The following PDE4D variants were observed in gnomAD, a reference collection of about 807,000 sequenced individuals.
PDE4D encodes 3',5'-cyclic-AMP phosphodiesterase 4D.
In PDE4D, 24 loss-of-function variants were observed where a neutral mutation model predicts 87.4. That is an observed-to-expected ratio of 0.27 (90% CI 0.20 to 0.39). PDE4D has a LOEUF of 0.39. Ranked by LOEUF, PDE4D falls within the 10% of genes least tolerant of loss-of-function variation. PDE4D has a pLI of 1.00. For synonymous variants in PDE4D, 384 were observed against 383.2 expected (o/e 1.00, Z -0.02); for missense variants, 714 against 1,041.0 (o/e 0.69, Z 4.32).
At chr5:59,042,914 G>A (rs753133977) in intron 5 of PDE4D, among the ~76,000 whole-genome samples, 1 of 152,060 alleles carries the variant, frequency 6.6e-6, no homozygotes, top group Non-Finnish European at 1.5e-5. Flanking sequence ...TTTGAAAAAG[G>A]AAAAAAGTAA....
intron 1 of PDE4D, among the ~76,000 whole-genome samples, chr5:59,843,901 T>C (rs1252040381): frequency 6.6e-6 from 1 of 152,110 alleles, no homozygotes; most frequent in Admixed American, 6.6e-5. Flanking sequence ...AATTTTTAGA[T>C]ATAAGAAAAT....
intron 1 of PDE4D, among the ~76,000 whole-genome samples, chr5:59,352,547 C>G (rs1780690385): frequency 6.6e-6 from 1 of 152,134 alleles, no homozygotes. Flanking sequence ...TGTGCTACCA[C>G]TCAGGTTTTG....
At chr5:59,236,037 G>A (rs562974771) in intron 1 of PDE4D, among the ~76,000 whole-genome samples, 3 of 152,208 alleles carry the variant, frequency 2.0e-5, no homozygotes, top group Non-Finnish European at 2.9e-5. Flanking sequence ...TTTAGATCCA[G>A]GGGTCCATGC....
At chr5:60,357,950 A>G (rs757874162) in intron 1 of PDE4D, among the ~76,000 whole-genome samples, 1 of 152,216 alleles carries the variant, frequency 6.6e-6, no homozygotes, top group Admixed American at 6.5e-5. Context: ...CAAAAGCCAT[A>G]CAATACATAG....
intron 1 of PDE4D, among the ~76,000 whole-genome samples, chr5:60,246,175 T>C (rs1747753722): frequency 6.6e-6 from 1 of 151,928 alleles, no homozygotes; most frequent in Non-Finnish European, 1.5e-5. Flanking sequence ...ATAACTTTCA[T>C]TGCTTCTCAT....
At chr5:60,392,352 C>T (rs1035265415) in intron 1 of PDE4D, among the ~76,000 whole-genome samples, 1 of 152,154 alleles carries the variant, frequency 6.6e-6, no homozygotes, top group African/African-American at 2.4e-5. Flanking sequence ...GACAATCCAA[C>T]TGTGAATATG....
chr5:59,234,772 G>GA (rs1179802071), intron 1 of PDE4D, among the ~76,000 whole-genome samples: 2 of 151,966 alleles, frequency 1.3e-5, no homozygotes, highest in Admixed American at 1.3e-4. Flanking sequence ...AAACTTGGGG[G>GA]AAAAAAGAAC....
intron 1 of PDE4D, among the ~76,000 whole-genome samples, chr5:60,232,839 G>A (rs1211166632): frequency 6.6e-6 from 1 of 151,706 alleles, no homozygotes; most frequent in Admixed American, 6.6e-5. Flanking sequence ...CAGAGGGTGA[G>A]ACAGACCAAA....
At chr5:59,387,284 G>T (rs888831343) in intron 1 of PDE4D, among the ~76,000 whole-genome samples, 13 of 152,180 alleles carry the variant, frequency 8.5e-5, no homozygotes, top group African/African-American at 3.1e-4. Context: ...TTAATTTTAT[G>T]AAGCTCAGCT....
At chr5:59,228,500 T>A (rs1160885590) in intron 1 of PDE4D, among the ~76,000 whole-genome samples, 1 of 151,568 alleles carries the variant, frequency 6.6e-6, no homozygotes, top group African/African-American at 2.4e-5. Flanking sequence ...GGTGTTTCTG[T>A]CTTTATTTAT....
intron 3 of PDE4D, among the ~76,000 whole-genome samples, chr5:59,907,134 A>T (rs1581688705): frequency 2.0e-5 from 3 of 152,280 alleles, no homozygotes; most frequent in South Asian, 4.1e-4. Context: ...AGGAACAGAA[A>T]ACCGAATACT....
At chr5:59,790,986 G>A (rs976660355) in intron 1 of PDE4D, among the ~76,000 whole-genome samples, 2 of 152,094 alleles carry the variant, frequency 1.3e-5, no homozygotes, top group Non-Finnish European at 2.9e-5. Flanking sequence ...CAGGGAGGTG[G>A]GAGTGCACTG....
At chr5:59,075,727 T>G (rs1765579665) in intron 5 of PDE4D, among the ~76,000 whole-genome samples, 1 of 152,178 alleles carries the variant, frequency 6.6e-6, no homozygotes, top group African/African-American at 2.4e-5. Flanking sequence ...ATTCTCACCA[T>G]TTTCTAAGAT....
intron 1 of PDE4D, among the ~76,000 whole-genome samples, chr5:60,502,544 T>A (rs961688690): frequency 6.6e-6 from 1 of 152,196 alleles, no homozygotes; most frequent in Non-Finnish European, 1.5e-5. Flanking sequence ...GTGAAGAAAG[T>A]CATTGGTAGC....
chr5:59,565,500 C>A (rs1244426087), intron 1 of PDE4D, among the ~76,000 whole-genome samples: 6 of 152,156 alleles, frequency 3.9e-5, no homozygotes. Flanking sequence ...GTCTGGATGA[C>A]TGAGTAAAAC....
At position 60,369,067 on chromosome 5, in the gene PDE4D, G is replaced by A. The variant is rs139106549; in HGVS notation, c.-90+118875C>T. On this transcript the variant is annotated intron_variant, in intron 1 of 16. Transcript: ENST00000502484. ...TGCTGTCCCACTCCTTCTCTCCTCT[G>A]TGTTCTGCTTGTTTGAACCCCACTC... is the stretch of plus-strand genomic sequence containing the variant. 5.5e-4 allele frequency among the ~76,000 whole-genome samples: 84 copies of A among 151,794 alleles called. 1 individual carries two copies. In the East Asian group the frequency reaches 0.014, roughly 25 times the overall value.
chr5:59,511,050 T>G (rs1810211767), intron 1 of PDE4D, among the ~76,000 whole-genome samples: 1 of 151,968 alleles, frequency 6.6e-6, no homozygotes, highest in African/African-American at 2.4e-5. Context: ...AGCATCTTTT[T>G]GGTTACAAAA....
chr5:59,167,852 A>C (rs1782141868), intron 5 of PDE4D, among the ~76,000 whole-genome samples: 1 of 152,142 alleles, frequency 6.6e-6, no homozygotes, highest in South Asian at 2.1e-4. Flanking sequence ...TTGGAGCCTA[A>C]GCATAGCCTT....
chr5:59,311,814 ACCTTTATGGCCTAAAGGGAAGAC>A (rs1772711984), intron 1 of PDE4D, among the ~76,000 whole-genome samples: 2 of 152,156 alleles, frequency 1.3e-5, no homozygotes, highest in South Asian at 4.2e-4. Context: ...CTATTTACAA[ACCTTTATGGCCTAAAGGGAAGAC>A]CCTAATCCTC....
Sources: gnomAD v4.1 joint callset for allele counts (sites outside exome capture counted in the v4.1 genomes callset) on GRCh38, gnomAD v4.1.1 for gene constraint, MANE v1.5 for transcripts, NCBI Gene and HGNC (gene_info 2026-07-23, HGNC 2026-07-21) for gene names.